PDZRN4: variants seen among roughly 807,000 people sequenced by gnomAD.
PDZRN4 encodes the protein PDZ domain-containing RING finger protein 4.
PDZRN4 carries 70 observed loss-of-function variants against 99.0 expected under a neutral mutation model. That is an observed-to-expected ratio of 0.71 (90% CI 0.58 to 0.86). The LOEUF (loss-of-function observed/expected upper bound fraction) is 0.86, where lower values mean the gene tolerates loss of function less well. PDZRN4 is among the 40% of genes least tolerant of loss of function. The pLI, the probability that PDZRN4 is intolerant of heterozygous loss-of-function variation, is 0.00. For synonymous variants in PDZRN4, 551 were observed against 501.6 expected (o/e 1.10, Z -1.32); for missense variants, 1,474 against 1,331.2 (o/e 1.11, Z -1.67).
Position 41,552,809 on chromosome 12 carries a change from G to A in PDZRN4, c.1302+55G>A, listed in dbSNP as rs565431801. ...GGAGGGAGACTAGGAAGAACAGAGC[G>A]AAATGACTCACAATGAGAAAACCCT... On this transcript the variant is annotated intron_variant, in intron 6 of 9. Transcript: ENST00000402685. The A allele has an allele frequency of 1.8e-4, 240 of 1,346,770 alleles. 4 individuals are homozygous for A. In the South Asian group the frequency reaches 2.4e-3, roughly 14 times the overall value. The allele number at this position is 1,346,770 out of a possible 1,614,324, so 83.4% of individuals were successfully genotyped here. A position where few individuals can be genotyped will look rare whatever the true frequency, so the allele number is the denominator to read the frequency against.
At chr12:41,354,332 C>A (rs1329495187) in intron 3 of PDZRN4, among the ~76,000 whole-genome samples, 2 of 151,960 alleles carry the variant, frequency 1.3e-5, no homozygotes, top group Admixed American at 1.3e-4. Context: ...ATGGATTCTC[C>A]GTTTTCAACC....
intron 3 of PDZRN4, among the ~76,000 whole-genome samples, chr12:41,204,806 C>A (rs1465984824): frequency 1.3e-5 from 2 of 151,960 alleles, no homozygotes; most frequent in East Asian, 1.9e-4. Flanking sequence ...AGCCTGTTCA[C>A]CTTTTAAACT....
intron 3 of PDZRN4, among the ~76,000 whole-genome samples, chr12:41,334,896 C>T (rs1402418761): frequency 6.6e-6 from 1 of 151,908 alleles, no homozygotes; most frequent in African/African-American, 2.4e-5. Flanking sequence ...ATTTAAAAGT[C>T]AGACTGAAAT....
At chr12:41,385,509 A>G (rs887209751) in intron 3 of PDZRN4, among the ~76,000 whole-genome samples, 1 of 152,200 alleles carries the variant, frequency 6.6e-6, no homozygotes, top group Non-Finnish European at 1.5e-5. Flanking sequence ...GCCCCACAGA[A>G]ATATAAACAA....
intron 3 of PDZRN4, among the ~76,000 whole-genome samples, chr12:41,235,450 G>A (rs1322635145): frequency 6.6e-6 from 1 of 152,052 alleles, no homozygotes; most frequent in Admixed American, 6.6e-5. Context: ...ATTAACCAGG[G>A]CCACACATTC....
chr12:41,209,522 A>G (rs7137601), intron 3 of PDZRN4, among the ~76,000 whole-genome samples: 89,626 of 129,822 alleles, frequency 0.69, 30,632 homozygotes, highest in South Asian at 0.76. Flanking sequence ...ACAGGCCCCG[A>G]TGTGTGATGT....
chr12:41,545,026 G>A (rs1415783118), intron 5 of PDZRN4, among the ~76,000 whole-genome samples: 2 of 152,186 alleles, frequency 1.3e-5, no homozygotes, highest in East Asian at 3.8e-4. Context: ...CAAGCCCTTA[G>A]CTTCTCTTGC....
chr12:41,520,120 T>C (rs750361971), intron 5 of PDZRN4, among the ~76,000 whole-genome samples: 5 of 152,144 alleles, frequency 3.3e-5, no homozygotes, highest in Non-Finnish European at 5.9e-5. Context: ...ATTGATTTCA[T>C]GACGGAGGTA....
intron 3 of PDZRN4, among the ~76,000 whole-genome samples, chr12:41,454,604 G>A (rs1952803119): frequency 1.3e-5 from 2 of 152,204 alleles, no homozygotes. Flanking sequence ...AGGAAAGTAA[G>A]AAACATTCTT....
Position 41,432,613 on chromosome 12 carries a change from T to A in PDZRN4, c.844-73843T>A, listed in dbSNP as rs113794365. The stretch of plus-strand genomic sequence containing the variant: ...AATGTTAATGTTGCTCTTACATGTC[T>A]TATAGTCCAATAAGAGAGGTAAAGC... On this transcript the variant is annotated intron_variant, in intron 3 of 9. Transcript: ENST00000402685. Among the ~76,000 whole-genome samples, 1,024 of 152,320 alleles carry A rather than the reference T, an allele frequency of 6.7e-3. 13 individuals carry two copies. The highest frequency in any genetic ancestry group is 0.023 in the African/African-American group (946 of 41,576).
intron 3 of PDZRN4, among the ~76,000 whole-genome samples, chr12:41,310,560 C>G (rs1280852006): frequency 1.3e-5 from 2 of 152,120 alleles, no homozygotes; most frequent in Non-Finnish European, 2.9e-5. Flanking sequence ...TACATTATAA[C>G]TACATTGATG....
chr12:41,380,159 A>T (rs1312291036), intron 3 of PDZRN4, among the ~76,000 whole-genome samples: 1 of 151,828 alleles, frequency 6.6e-6, no homozygotes, highest in African/African-American at 2.4e-5. Context: ...AAATTTAGTC[A>T]CCCCTGCTCT....
intron 3 of PDZRN4, among the ~76,000 whole-genome samples, chr12:41,492,869 C>A (rs1440650552): frequency 6.6e-6 from 1 of 152,104 alleles, no homozygotes; most frequent in Non-Finnish European, 1.5e-5. Context: ...ACAAAATCAA[C>A]CTTGGCTTGA....
chr12:41,389,816 A>G (rs1952196534), intron 3 of PDZRN4, among the ~76,000 whole-genome samples: 1 of 152,248 alleles, frequency 6.6e-6, no homozygotes, highest in South Asian at 2.1e-4. Context: ...AGTTGGACTC[A>G]CCTGGAAGAG....
At chr12:41,372,619 T>G (rs2121082829) in intron 3 of PDZRN4, among the ~76,000 whole-genome samples, 1 of 152,256 alleles carries the variant, frequency 6.6e-6, no homozygotes, top group South Asian at 2.1e-4. Context: ...GGAATAGCAT[T>G]TTTAATGGTA....
chr12:41,262,892 T>C (rs1951250695), intron 3 of PDZRN4, among the ~76,000 whole-genome samples: 1 of 152,128 alleles, frequency 6.6e-6, no homozygotes, highest in Admixed American at 6.5e-5. Context: ...TAAAGATTAA[T>C]AGGTCAGTCA....
intron 3 of PDZRN4, among the ~76,000 whole-genome samples, chr12:41,414,917 A>T (rs998938259): frequency 1.3e-5 from 2 of 152,188 alleles, no homozygotes; most frequent in East Asian, 3.9e-4. Context: ...CTGAGATAGC[A>T]GAGTCAAGGG....
chr12:41,219,540 G>A (rs999725674), intron 3 of PDZRN4, among the ~76,000 whole-genome samples: 3 of 151,976 alleles, frequency 2.0e-5, no homozygotes, highest in Admixed American at 6.6e-5. Flanking sequence ...TGCAGCCTTG[G>A]TAATGTTCTT....
chr12:41,392,573 A>T (rs183433146), intron 3 of PDZRN4, among the ~76,000 whole-genome samples: 1 of 152,306 alleles, frequency 6.6e-6, no homozygotes, highest in Non-Finnish European at 1.5e-5. Context: ...TTGTGTTCAC[A>T]CCATTATTCC....
Sources: gnomAD v4.1 joint callset for allele counts (sites outside exome capture counted in the v4.1 genomes callset) on GRCh38, gnomAD v4.1.1 for gene constraint, MANE v1.5 for transcripts, NCBI Gene and HGNC (gene_info 2026-07-23, HGNC 2026-07-21) for gene names.